Variants in ENAH observed in about 807,000 individuals in gnomAD.
ENAH encodes the protein protein enabled homolog.
Under a neutral mutation model 78.7 loss-of-function variants are expected in ENAH, and 23 were observed. The observed-to-expected ratio is 0.29, with a 90% confidence interval of 0.21 to 0.41. The LOEUF (loss-of-function observed/expected upper bound fraction) is 0.41, where lower values mean the gene tolerates loss of function less well. Ranked by LOEUF, ENAH falls within the 10% of genes least tolerant of loss-of-function variation. The pLI is 1.00. For synonymous variants in ENAH, 226 were observed against 241.0 expected (o/e 0.94, Z 0.58); for missense variants, 544 against 691.0 (o/e 0.79, Z 2.39).
rs909807690 is a variant in ENAH, at chr1:225,652,792, G to C, written c.-102C>G. 3.9e-6 allele frequency: 4 copies of C among 1,014,984 alleles called. No homozygotes were observed. Among genetic ancestry groups the C allele is most frequent in the Non-Finnish European group, 3.9e-6 (3 of 777,428 alleles). The allele number at this position is 1,014,984 out of a possible 1,614,324, so 62.9% of individuals were successfully genotyped here. ...CAGGGGTGGGGAGCAGCTCGGAGAC[G>C]GGAGACAAGTGTCCGGCTCCTCCTT... On this transcript the variant is annotated 5_prime_UTR_variant, in exon 1 of 14. Coordinates refer to ENST00000366843, the MANE Select transcript of ENAH (RefSeq NM_018212.6).
At position 225,512,941 on chromosome 1, in the gene ENAH, G is replaced by A. The variant is rs747204886; in HGVS notation, c.1294C>T (p.Arg432Cys). ...CCTAAAGGAAGGGGTCCATTTCCACGGCCTGTATCTGTTTTAGATGAGGCG... is the reference window on the plus strand; with the variant it reads ...CCTAAAGGAAGGGGTCCATTTCCACAGCCTGTATCTGTTTTAGATGAGGCG... ...NSASSKTDTG[R>C]GNGPLPLGGS... Residue 432 changes from arginine (R) to cysteine (C), a missense_variant, in exon 8 of 14, where the codon CGT becomes TGT. Physicochemically the swap from Arg to Cys is radical, Grantham distance 180. This residue lies in a region of ENAH where 366 missense variants were observed against 396.1 expected (regional missense o/e 0.92). Coordinates refer to ENST00000366843, the MANE Select transcript of ENAH (RefSeq NM_018212.6). The A allele has an allele frequency of 4.3e-6, 7 of 1,613,838 alleles. No homozygotes were observed. The highest frequency in any genetic ancestry group is 2.2e-5 in the East Asian group (1 of 44,864).
chr1:225,591,493 G>A (rs1225306490), intron 1 of ENAH, among the ~76,000 whole-genome samples: 1 of 149,166 alleles, frequency 6.7e-6, no homozygotes, highest in Non-Finnish European at 1.5e-5. Context: ...ACAGTCGGGT[G>A]TGGTGGCTCA....
At chr1:225,593,413 G>A (rs1433292262) in intron 1 of ENAH, among the ~76,000 whole-genome samples, 1 of 120,750 alleles carries the variant, frequency 8.3e-6, no homozygotes, top group African/African-American at 3.2e-5. Context: ...GGGGGGGGGG[G>A]GGGGTGGGGG....
At chr1:225,541,957 T>A (rs1254379911) in intron 3 of ENAH, among the ~76,000 whole-genome samples, 1 of 152,194 alleles carries the variant, frequency 6.6e-6, no homozygotes, top group Non-Finnish European at 1.5e-5. Context: ...TCCAGTGAAG[T>A]GGAACCTCAA....
chr1:225,626,932 A>C (rs999419004), intron 1 of ENAH, among the ~76,000 whole-genome samples: 6 of 152,206 alleles, frequency 3.9e-5, no homozygotes, highest in Admixed American at 3.9e-4. Context: ...GAGACACTAA[A>C]CTGAGAAAGA....
At chr1:225,598,766 C>T (rs1195941122) in intron 1 of ENAH, among the ~76,000 whole-genome samples, 1 of 150,710 alleles carries the variant, frequency 6.6e-6, no homozygotes, top group African/African-American at 2.4e-5. Context: ...AATATAAAGA[C>T]AAAATTATAG....
At chr1:225,586,684 G>A (rs1298329223) in intron 1 of ENAH, among the ~76,000 whole-genome samples, 1 of 152,092 alleles carries the variant, frequency 6.6e-6, no homozygotes, top group Non-Finnish European at 1.5e-5. Flanking sequence ...TGAAAATCAA[G>A]GTAATTCACC....
In ENAH at chr1:225,652,736, A is replaced by T; in HGVS notation, c.-46T>A. ...TTCCCCACCAGCCGGGAGACGCAGA[A>T]GGCGCCGAGCCGAGGGGGGGGTCTC... On this transcript the variant is annotated 5_prime_UTR_variant, in exon 1 of 14. Coordinates refer to ENST00000366843, the MANE Select transcript of ENAH (RefSeq NM_018212.6). 1 of 1,314,628 alleles carries T rather than the reference A, an allele frequency of 7.6e-7. No individual in the cohort carries two copies. The highest frequency in any genetic ancestry group is 9.7e-7 in the Non-Finnish European group (1 of 1,033,464). The allele number at this position is 1,314,628 out of a possible 1,614,324, so 81.4% of individuals were successfully genotyped here. A position where few individuals can be genotyped will look rare whatever the true frequency, so the allele number is the denominator to read the frequency against.
At chr1:225,624,636 C>CAAAT (rs57242435) in intron 1 of ENAH, among the ~76,000 whole-genome samples, 278 of 150,364 alleles carry the variant, frequency 1.8e-3, no homozygotes, top group African/African-American at 5.6e-3. Context: ...AATCAATCAA[C>CAAAT]AAATAAATAA....
rs545342773 is a variant in ENAH at position 225,512,734 on chromosome 1, G to C, written c.1365-20C>G. The C allele has an allele frequency of 1.2e-6, 2 of 1,611,974 alleles. No individual in the cohort carries two copies. The highest frequency in any genetic ancestry group is 3.4e-5 in the Admixed American group (2 of 59,628). On this transcript the variant is annotated intron_variant, in intron 8 of 13. Coordinates refer to ENST00000366843, the MANE Select transcript of ENAH (RefSeq NM_018212.6). ...CTTCTCCTACAAAGAAGGCAAATCC[G>C]ATTTTTAAAAATATTATCTGATTCA...
At chr1:225,609,306 A>T (rs958341672) in intron 1 of ENAH, among the ~76,000 whole-genome samples, 4 of 152,166 alleles carry the variant, frequency 2.6e-5, no homozygotes, top group African/African-American at 9.7e-5. Context: ...AAACACAAAG[A>T]TTCATTAAAT....
rs1553406959 is a variant in ENAH at position 225,491,484 on chromosome 1, A to AAT, written c.*6290_*6291insAT. The AAT allele has an allele frequency of 6.6e-6, 1 of 150,834 alleles. No homozygotes were observed. The highest frequency in any genetic ancestry group is 2.5e-5 in the African/African-American group (1 of 40,752). The allele number at this position is 150,834 out of a possible 1,614,324, so 9.3% of individuals were successfully genotyped here. ...TAAAATGCCTTTAATCTTTAAAAAA[A>AAT]AAAATAAAAGAAAAAGAAAAAAAGA... On this transcript the variant is annotated 3_prime_UTR_variant, in exon 14 of 14. Transcript: ENST00000366843.
chr1:225,532,198 C>T lies in ENAH; in HGVS notation c.350-1560G>A, dbSNP rs1374242768. Among the ~76,000 whole-genome samples the T allele has an allele frequency of 2.0e-5, 3 of 151,984 alleles. No homozygotes were observed. In the East Asian group the frequency reaches 5.8e-4, roughly 29 times the overall value. On this transcript the variant is annotated intron_variant, in intron 3 of 13. Transcript: ENST00000366843. ...TTAGGCTATACACAAATGTTTAATA[C>T]TTTACAGAGAAAAGACCTCTCTTCT...
Position 225,512,711 on chromosome 1 carries a change from TCTC to T in ENAH, c.1365_1367del (p.Arg457del). On this transcript the variant is annotated inframe_deletion and splice_region_variant, in exon 9 of 14. Transcript: ENST00000366843. Reference sequence around the variant, plus strand: ...TTGTTGATCCCTTTTCAGCAATTCTTCTCCTACAAAGAAGGCAAATCCGATTTT... The same window carrying T: ...TTGTTGATCCCTTTTCAGCAATTCTTCTACAAAGAAGGCAAATCCGATTTT... 6.2e-7 allele frequency: 1 copy of T among 1,613,744 alleles called. No homozygotes were observed. The highest frequency in any genetic ancestry group is 8.5e-7 in the Non-Finnish European group (1 of 1,179,874).
intron 2 of ENAH, among the ~76,000 whole-genome samples, chr1:225,557,430 C>T (rs1313967874): frequency 6.6e-6 from 1 of 152,116 alleles, no homozygotes; most frequent in Non-Finnish European, 1.5e-5. Flanking sequence ...CATACACTGG[C>T]TAGAAATAAC....
chr1:225,638,244 C>T (rs1319246803), intron 1 of ENAH, among the ~76,000 whole-genome samples: 1 of 151,748 alleles, frequency 6.6e-6, no homozygotes, highest in African/African-American at 2.4e-5. Context: ...GCAGCCTCAA[C>T]ATTCCAGGCT....
At chr1:225,510,443 T>C (rs1053556418) in intron 10 of ENAH, among the ~76,000 whole-genome samples, 2 of 152,074 alleles carry the variant, frequency 1.3e-5, no homozygotes, top group Non-Finnish European at 2.9e-5. Context: ...ATCTATGCGG[T>C]ACTAATGAGA....
chr1:225,535,130 C>T (rs114751903), intron 3 of ENAH, among the ~76,000 whole-genome samples: 2 of 152,236 alleles, frequency 1.3e-5, no homozygotes, highest in African/African-American at 2.4e-5. Context: ...GGCACATTTA[C>T]GTTCCTCAAA....
At chr1:225,652,097 CCA>C (rs1663126105) in intron 1 of ENAH, among the ~76,000 whole-genome samples, 1 of 151,790 alleles carries the variant, frequency 6.6e-6, no homozygotes, top group African/African-American at 2.4e-5. Flanking sequence ...CTTACTTATC[CCA>C]GTCTTTTACT....
Sources: gnomAD v4.1 joint callset for allele counts (sites outside exome capture counted in the v4.1 genomes callset) on GRCh38, gnomAD v4.1.1 for gene constraint, gnomAD v4.1.1 regional missense constraint, MANE v1.5 for transcripts, NCBI Gene and HGNC (gene_info 2026-07-23, HGNC 2026-07-21) for gene names.